Variants in UNK observed in about 807,000 individuals in gnomAD.
UNK encodes unk zinc finger.
A neutral mutation model predicts 97.6 loss-of-function variants in UNK; 32 were observed. The ratio of observed to expected loss-of-function variants is 0.33; its 90% confidence interval spans 0.25 to 0.44. The LOEUF (loss-of-function observed/expected upper bound fraction) is 0.44, where lower values mean the gene tolerates loss of function less well. UNK is among the 20% of genes least tolerant of loss of function. The pLI, the probability that UNK is intolerant of heterozygous loss-of-function variation, is 1.00. For synonymous variants in UNK, 441 were observed against 461.2 expected, an observed-to-expected ratio of 0.96 and a Z score of 0.56; for missense variants, 771 against 1,098.4, an observed-to-expected ratio of 0.70 and a Z score of 4.21.
At chr17:75,821,688 A>G (rs1456020293) in intron 13 of UNK, 1 of 456,684 alleles carries the variant, frequency 2.2e-6, no homozygotes, top group Admixed American at 2.3e-5. Flanking sequence ...AAGTCACCAG[A>G]AAGTACATAT....
chr17:75,798,883 A>G (rs1247918244), intron 1 of UNK, among the ~76,000 whole-genome samples: 1 of 151,802 alleles, frequency 6.6e-6, no homozygotes, highest in African/African-American at 2.4e-5. Flanking sequence ...TGGCTAACAC[A>G]GTGAAACCCC....
At chr17:75,788,273 G>A (rs895684602) in intron 1 of UNK, among the ~76,000 whole-genome samples, 5 of 151,254 alleles carry the variant, frequency 3.3e-5, no homozygotes, top group African/African-American at 9.7e-5. Context: ...TCCACCTCCC[G>A]GGTTTAAGCA....
rs11868471 is a variant in UNK, at chr17:75,819,945, A to G, written c.1674A>G (p.Ala558=). ...TIGGSLLQSS[A]PVNIPGSLGS... ...GCGGCAGCTTGCTGCAGAGCTCTGC[A>G]CCCGTGAACATCCCCGGCTCCTTGG... The change falls in exon 13 of 16, where the codon GCA becomes GCG. Residue 558 remains alanine, a synonymous_variant. Transcript: ENST00000589666. The surrounding 1 kb of genome is among the most constrained non-coding windows in gnomAD (Gnocchi z 5.4). The G allele has an allele frequency of 0.94, 1,515,164 of 1,612,108 alleles. 714,293 individuals carry two copies. Among genetic ancestry groups the G allele is most frequent in the Non-Finnish European group, 0.96 (1,128,464 of 1,179,308 alleles).
intron 1 of UNK, among the ~76,000 whole-genome samples, chr17:75,795,339 G>GTTGTTGTTT (rs966024772): frequency 2.0e-5 from 3 of 151,864 alleles, no homozygotes; most frequent in Non-Finnish European, 4.4e-5. Flanking sequence ...TGTTGTTGTT[G>GTTGTTGTTT]TTGTTGTTTT....
chr17:75,792,941 A>G (rs1265661972), intron 1 of UNK, among the ~76,000 whole-genome samples: 1 of 152,222 alleles, frequency 6.6e-6, no homozygotes, highest in Non-Finnish European at 1.5e-5. Flanking sequence ...AGTGTGGGAA[A>G]GCCTGTGGTT....
chr17:75,792,313 C>A, intron 1 of UNK: 1 of 985,172 alleles, frequency 1.0e-6, no homozygotes, highest in Non-Finnish European at 1.2e-6. Flanking sequence ...TTTAATCCAG[C>A]TATGGTTGAT....
At chr17:75,809,619 C>T in intron 1 of UNK, 141 bp from the exon 2 acceptor site, 1 of 858,562 alleles carries the variant, frequency 1.2e-6, no homozygotes, top group South Asian at 1.7e-5. Flanking sequence ...AGCCTTACAG[C>T]TCTGGGTCTC....
At position 75,823,123 on chromosome 17, in the gene UNK, G is replaced by T. The variant is rs1599394534; in HGVS notation, c.2020-142G>T. The T allele has an allele frequency of 1.8e-5, 24 of 1,345,420 alleles. No individual in the cohort carries two copies. The East Asian group carries it at 5.8e-4, about 32-fold the overall frequency. The allele number at this position is 1,345,420 out of a possible 1,614,324, so 83.3% of individuals were successfully genotyped here. A position where few individuals can be genotyped will look rare whatever the true frequency, so the allele number is the denominator to read the frequency against. ...TGAAACCTCTGTGCAGACAGCATCA[G>T]CCTCCTCCTTGCCCTCCTCCCAGAG... On this transcript the variant is annotated intron_variant, in intron 14 of 15. Transcript: ENST00000589666.
chr17:75,798,689 G>T (rs1264375243), intron 1 of UNK, among the ~76,000 whole-genome samples: 1 of 151,648 alleles, frequency 6.6e-6, no homozygotes, highest in African/African-American at 2.4e-5. Flanking sequence ...CCCATTGGTT[G>T]TTGGAGGAAA....
intron 6 of UNK, among the ~76,000 whole-genome samples, 182 bp from the exon 7 acceptor site, chr17:75,814,987 G>A (rs934382306): frequency 2.6e-5 from 4 of 152,160 alleles, no homozygotes; most frequent in African/African-American, 7.2e-5. Context: ...GGGGAGTGGT[G>A]GTGGGCTGCC....
At chr17:75,812,713 C>T (rs2061981414) in intron 4 of UNK, 128 bp downstream of exon 4, 2 of 1,372,600 alleles carry the variant, frequency 1.5e-6, no homozygotes, top group East Asian at 2.5e-5. Context: ...TCCCACCCTA[C>T]ACCCACCATT....
chr17:75,819,848 C>A lies in UNK; in HGVS notation c.1648+63C>A. 1 of 1,608,300 alleles carries A rather than the reference C, an allele frequency of 6.2e-7. No homozygotes were observed. The highest frequency in any genetic ancestry group is 8.5e-7 in the Non-Finnish European group (1 of 1,176,852). On this transcript the variant is annotated intron_variant, in intron 12 of 15. Transcript: ENST00000589666. The surrounding 1 kb of genome is among the most constrained non-coding windows in gnomAD (Gnocchi z 5.4). The stretch of plus-strand genomic sequence containing the variant: ...CCTCGGGTTCCTGCCTGGCTCAGGC[C>A]CCTTGCTCTGTGTGGCCCGCCTGGC...
Position 75,819,559 on chromosome 17 carries a change from C to T in UNK, c.1547-125C>T. The T allele has an allele frequency of 1.2e-6, 1 of 856,012 alleles. No homozygotes were observed. The highest frequency in any genetic ancestry group is 1.7e-5 in the African/African-American group (1 of 60,356). 53.0% of individuals were successfully genotyped at this position (856,012 alleles called of 1,614,324 possible). ...ATAGGAAGCAGCTGAAGGAAGGGCA[C>T]AGGGGCTTGGGAGAATACGGACCCA... On this transcript the variant is annotated intron_variant, in intron 11 of 15. Transcript: ENST00000589666. The surrounding 1 kb of genome is among the most constrained non-coding windows in gnomAD (Gnocchi z 5.4).
chr17:75,809,677 G>C lies in UNK; in HGVS notation c.105-83G>C, dbSNP rs1275081466. ...GCACCCCAGAGCAGGGCCCTCAGGG[G>C]ACTTGGCGGCTAACTTCTTGCTGGG... On this transcript the variant is annotated intron_variant, in intron 1 of 15. Coordinates refer to ENST00000589666, the MANE Select transcript of UNK (RefSeq NM_001080419.3). 2.7e-6 allele frequency: 4 copies of C among 1,465,870 alleles called. No individual in the cohort carries two copies. The Admixed American group carries it at 8.0e-5, about 29-fold the overall frequency. 90.8% of individuals were successfully genotyped at this position (1,465,870 alleles called of 1,614,324 possible). A position where few individuals can be genotyped will look rare whatever the true frequency, so the allele number is the denominator to read the frequency against.
At chr17:75,810,569 T>A (rs1196250503) in intron 2 of UNK, among the ~76,000 whole-genome samples, 1 of 152,232 alleles carries the variant, frequency 6.6e-6, no homozygotes, top group African/African-American at 2.4e-5. Flanking sequence ...CTTTCTTTTT[T>A]AAAATTTTTA....
rs1450714876 is a variant in UNK, at chr17:75,825,685, T to A, written c.*1268T>A. ...GTCTGGTCCTGGCCCAGGCTCCCCC[T>A]TGGGCTCAGCACGAAAGGGCTTTCA... On this transcript the variant is annotated 3_prime_UTR_variant, in exon 16 of 16. Coordinates refer to ENST00000589666, the MANE Select transcript of UNK (RefSeq NM_001080419.3). The surrounding 1 kb of genome is among the most constrained non-coding windows in gnomAD (Gnocchi z 4.4). 1 of 152,284 alleles carries A rather than the reference T, an allele frequency of 6.6e-6. No homozygotes were observed. The highest frequency in any genetic ancestry group is 1.5e-5 in the Non-Finnish European group (1 of 68,056). The allele number at this position is 152,284 out of a possible 1,614,324, so 9.4% of individuals were successfully genotyped here.
At position 75,811,677 on chromosome 17, in the gene UNK, A is replaced by G. The variant is rs1287540812; in HGVS notation, c.315-435A>G. Among the ~76,000 whole-genome samples the G allele has an allele frequency of 2.0e-5, 3 of 152,122 alleles. No individual in the cohort carries two copies. In the East Asian group the frequency reaches 5.8e-4, roughly 29 times the overall value. On this transcript the variant is annotated intron_variant, in intron 2 of 15. Coordinates refer to ENST00000589666, the MANE Select transcript of UNK (RefSeq NM_001080419.3). ...TTCTTCCTAGTGCACCTTCCAGGCC[A>G]TAGTGAAAGCTGTTCAATGGTTGGG... is the stretch of plus-strand genomic sequence containing the variant.
intron 4 of UNK, 106 bp from the exon 5 acceptor site, chr17:75,812,972 T>C: frequency 7.0e-7 from 1 of 1,436,332 alleles, no homozygotes; most frequent in Non-Finnish European, 9.2e-7. Context: ...GCCTCCTGTC[T>C]TGAACTCCTT....
At chr17:75,808,563 A>G (rs1317816821) in intron 1 of UNK, among the ~76,000 whole-genome samples, 2 of 152,068 alleles carry the variant, frequency 1.3e-5, no homozygotes, top group African/African-American at 4.8e-5. Flanking sequence ...TTCATCCACT[A>G]GTACCTCTCC....
Sources: allele counts gnomAD v4.1 joint callset (sites outside exome capture counted in the v4.1 genomes callset), GRCh38; gene constraint gnomAD v4.1.1; non-coding constraint Gnocchi (gnomAD v3.1); transcripts MANE v1.5; gene names NCBI Gene and HGNC (gene_info 2026-07-23, HGNC 2026-07-21).